The following LILRA1 variants were observed in gnomAD, a reference collection of about 807,000 sequenced individuals.
LILRA1 encodes the protein leukocyte immunoglobulin-like receptor subfamily A member 1.
Under a neutral mutation model 51.6 loss-of-function variants are expected in LILRA1, and 51 were observed. The observed-to-expected ratio is 0.99, with a 90% CI of 0.79 to 1.25. LILRA1 has a LOEUF of 1.25. LILRA1 is among the 50% of genes most tolerant of loss of function. The pLI is 0.00. For synonymous variants in LILRA1, 305 were observed against 248.4 expected, an observed-to-expected ratio of 1.23 and a Z score of -2.14; for missense variants, 660 against 611.7, an observed-to-expected ratio of 1.08 and a Z score of -0.83.
chr19:54,596,768 G>T (rs1398900815), intron 7 of LILRA1, among the ~76,000 whole-genome samples: 1 of 152,282 alleles, frequency 6.6e-6, no homozygotes, highest in South Asian at 2.1e-4. Flanking sequence ...TCGGGAGGCT[G>T]AGGCAGGAGA....
chr19:54,595,883 C>G lies in LILRA1; in HGVS notation c.906C>G (p.Asn302Lys). ...GGQYRCSGAY[N>K]LSSEWSAPSD... ...AGTACAGATGCTCCGGTGCATACAA[C>G]CTCTCCTCCGAGTGGTCGGCCCCCA... The change falls in exon 6 of 10, where the codon AAC becomes AAG. Residue 302 changes from asparagine to lysine, a missense_variant. By Grantham distance (94) the Asn-to-Lys change is moderately conservative. Transcript: ENST00000251372. 2 of 1,613,970 alleles carry G rather than the reference C, an allele frequency of 1.2e-6. No homozygotes were observed. The highest frequency in any genetic ancestry group is 3.4e-4 in the Middle Eastern group (2 of 5,938).
Position 54,600,679 on chromosome 19 carries a change from T to A in LILRA1, c.1352-20T>A. On this transcript the variant is annotated intron_variant, in intron 9 of 9. Transcript: ENST00000251372. Reference sequence around the variant, plus strand: ...TTGATCTGCCCTGACCTCTGTGACCTCTTTGCCCACCATCCCCAGCCTCAC... The same window carrying A: ...TTGATCTGCCCTGACCTCTGTGACCACTTTGCCCACCATCCCCAGCCTCAC... 6.2e-7 allele frequency: 1 copy of A among 1,613,818 alleles called. No homozygotes were observed. The highest frequency in any genetic ancestry group is 8.5e-7 in the Non-Finnish European group (1 of 1,179,788).
At chr19:54,598,550 T>G (rs2063106583) in intron 7 of LILRA1, among the ~76,000 whole-genome samples, 1 of 152,176 alleles carries the variant, frequency 6.6e-6, no homozygotes, top group Non-Finnish European at 1.5e-5. Context: ...GTCCAATCAC[T>G]GGATAATTCT....
chr19:54,598,871 C>A (rs186252428), intron 7 of LILRA1, among the ~76,000 whole-genome samples: 2 of 152,154 alleles, frequency 1.3e-5, no homozygotes, highest in Non-Finnish European at 2.9e-5. Context: ...TCTTGGCTCA[C>A]TGCAACCTCC....
In LILRA1 at chr19:54,596,337, C is replaced by T. The variant is rs745831502; in HGVS notation, c.1107C>T (p.Leu369=). 34 of 1,606,914 alleles carry T rather than the reference C, an allele frequency of 2.1e-5. No individual in the cohort carries two copies. The East Asian group carries it at 7.6e-4, about 36-fold the overall frequency. The change falls in exon 7 of 10, where the codon CTC becomes CTT. Residue 369 remains leucine, a synonymous_variant. Coordinates refer to ENST00000251372, the MANE Select transcript of LILRA1 (RefSeq NM_006863.4). ...KAGAADAPLR[L]RSIHEYPKYQ... ...GAGCAGCTGATGCCCCCCTCCGTCT[C>T]AGATCAATACACGAATATCCTAAGT...
chr19:54,600,533 C>A lies in LILRA1; in HGVS notation c.1334C>A (p.Pro445Gln). The part of the protein sequence containing the change: ...SKAGAANTLS[P>Q]SQNKTASHPQ... ...TCAGGAGCAGCTAACACCCTCAGCC[C>A]ATCACAAAACAAGACTGGTGAGTGA... Residue 445 changes from proline (P) to glutamine (Q), a missense_variant, in exon 9 of 10, where the codon CCA becomes CAA. By Grantham distance (76) the Pro-to-Gln change is moderately conservative. Coordinates refer to ENST00000251372, the MANE Select transcript of LILRA1 (RefSeq NM_006863.4). The A allele has an allele frequency of 6.2e-7, 1 of 1,614,108 alleles. No individual in the cohort carries two copies. The highest frequency in any genetic ancestry group is 1.1e-5 in the South Asian group (1 of 91,082).
At chr19:54,599,158 G>A in intron 7 of LILRA1, 78 bp from the exon 8 acceptor site, 5 of 1,399,924 alleles carry the variant, frequency 3.6e-6, no homozygotes, top group Non-Finnish European at 4.8e-6. Flanking sequence ...GGTTATATAA[G>A]TTATACATAA....
Position 54,600,543 on chromosome 19 carries a change from C to T in LILRA1, c.1344C>T (p.Asn448=). The stretch of plus-strand genomic sequence containing the variant: ...CTAACACCCTCAGCCCATCACAAAA[C>T]AAGACTGGTGAGTGAGGAGATGCTC... ...GAANTLSPSQ[N]KTASHPQDYT... The change falls in exon 9 of 10, where the codon AAC becomes AAT. Residue 448 remains asparagine, a synonymous_variant. Transcript: ENST00000251372. The T allele has an allele frequency of 6.2e-7, 1 of 1,614,108 alleles. No homozygotes were observed. Among genetic ancestry groups the T allele is most frequent in the South Asian group, 1.1e-5 (1 of 91,084 alleles).
intron 8 of LILRA1, 139 bp from the exon 9 acceptor site, chr19:54,600,373 T>C (rs1329156196): frequency 2.6e-6 from 2 of 776,332 alleles, no homozygotes; most frequent in Admixed American, 2.3e-5. Context: ...ATAAGGACAC[T>C]GGAGGGAACC....
chr19:54,600,896 G>A lies in LILRA1; in HGVS notation c.*79G>A. On this transcript the variant is annotated 3_prime_UTR_variant, in exon 10 of 10. Coordinates refer to ENST00000251372, the MANE Select transcript of LILRA1 (RefSeq NM_006863.4). ...GAGCCTTGGGAACAGATCTGATGATGCCAGGAGGTTCCGGGAGACAATTTA... is the reference window on the plus strand; with the variant it reads ...GAGCCTTGGGAACAGATCTGATGATACCAGGAGGTTCCGGGAGACAATTTA... 1.3e-6 allele frequency: 2 copies of A among 1,527,756 alleles called. No individual in the cohort carries two copies. Among genetic ancestry groups the A allele is most frequent in the Non-Finnish European group, 9.1e-7 (1 of 1,101,592 alleles). The allele number at this position is 1,527,756 out of a possible 1,614,324, so 94.6% of individuals were successfully genotyped here.
intron 5 of LILRA1, 22 bp downstream of exon 5, chr19:54,595,424 C>A (rs763089408): frequency 6.3e-7 from 1 of 1,590,124 alleles, no homozygotes; most frequent in East Asian, 2.2e-5. Flanking sequence ...ACAGCATTGC[C>A]TGGAGTTCCC....
chr19:54,595,000 G>A (rs1224829992), intron 4 of LILRA1, 48 bp downstream of exon 4: 2 of 1,608,680 alleles, frequency 1.2e-6, no homozygotes, highest in Non-Finnish European at 1.7e-6. Context: ...CCCTCAGGAA[G>A]GGAGTCAGTT....
chr19:54,600,815 T>C lies in LILRA1; in HGVS notation c.1468T>C (p.Ter490ArgextTer6). 1.2e-6 allele frequency: 2 copies of C among 1,614,040 alleles called. No homozygotes were observed. The highest frequency in any genetic ancestry group is 8.5e-7 in the Non-Finnish European group (1 of 1,179,940). Residue 490 changes from the stop codon to arginine, a stop_lost, in exon 10 of 10, where the codon TGA (stop) becomes CGA (arginine). Coordinates refer to ENST00000251372, the MANE Select transcript of LILRA1 (RefSeq NM_006863.4). The stretch of plus-strand genomic sequence containing the variant: ...GGCTCAGCACAGCCAGAGAAGCCTC[T>C]GAGATGCAGCCGGGAGGTGAACAGC... ...FEAQHSQRSL[*>R]
intron 7 of LILRA1, among the ~76,000 whole-genome samples, chr19:54,598,920 C>G (rs911366044): frequency 6.6e-6 from 1 of 152,070 alleles, no homozygotes; most frequent in Non-Finnish European, 1.5e-5. Flanking sequence ...CTCAGCCTCC[C>G]GAGTAGCTGG....
At chr19:54,599,566 A>C in intron 8 of LILRA1, 6 of 1,129,198 alleles carry the variant, frequency 5.3e-6, no homozygotes, top group Non-Finnish European at 6.6e-6. Flanking sequence ...TTTTCAATGG[A>C]TCTCCTCTAA....
chr19:54,600,666 G>T (rs1339259409), intron 9 of LILRA1, 33 bp from the exon 10 acceptor site: 9 of 1,613,430 alleles, frequency 5.6e-6, no homozygotes, highest in Admixed American at 3.3e-5. Context: ...GATCTGCCCT[G>T]ACCTCTGTGA....
At position 54,601,628 on chromosome 19, in the gene LILRA1, A is replaced by T. The variant is rs1313443102; in HGVS notation, c.*811A>T. 1 of 151,968 alleles carries T rather than the reference A, an allele frequency of 6.6e-6. No homozygotes were observed. The highest frequency in any genetic ancestry group is 6.5e-5 in the Admixed American group (1 of 15,284). 9.4% of individuals were successfully genotyped at this position (151,968 alleles called of 1,614,324 possible). ...AGGCAGAACCAAAGTACACCACGTC[A>T]AAAGCAATGATAGGCATTTGCAGTG... On this transcript the variant is annotated 3_prime_UTR_variant, in exon 10 of 10. Coordinates refer to ENST00000251372, the MANE Select transcript of LILRA1 (RefSeq NM_006863.4).
In LILRA1 at chr19:54,600,767, G is replaced by T. The variant is rs2063149642; in HGVS notation, c.1420G>T (p.Val474Phe). 6.2e-7 allele frequency: 1 copy of T among 1,614,124 alleles called. No individual in the cohort carries two copies. Among genetic ancestry groups the T allele is most frequent in the Middle Eastern group, 1.6e-4 (1 of 6,062 alleles). Residue 474 changes from valine (V) to phenylalanine (F), a missense_variant, in exon 10 of 10, where the codon GTC becomes TTC. Coordinates refer to ENST00000251372, the MANE Select transcript of LILRA1 (RefSeq NM_006863.4). ...GGGCATAGCTGGCTTGGTCCTGGTG[G>T]TCCTCGGGATTCTGCTATTTGAGGC... is the stretch of plus-strand genomic sequence containing the variant. ...RMGIAGLVLVVLGILLFEAQH... is the reference protein window; with the variant it reads ...RMGIAGLVLVFLGILLFEAQH...
rs374950261 is a variant in LILRA1 at position 54,594,971 on chromosome 19, C to T, written c.358+19C>T. On this transcript the variant is annotated intron_variant, in intron 4 of 9. Coordinates refer to ENST00000251372, the MANE Select transcript of LILRA1 (RefSeq NM_006863.4). ...GTGACAGGTGAGCTGACACTGAGGG[C>T]TCCCAGCCCCAGGCTCTGCCCTCAG... 2 of 1,596,280 alleles carry T rather than the reference C, an allele frequency of 1.3e-6. No homozygotes were observed. Among genetic ancestry groups the T allele is most frequent in the African/African-American group, 1.4e-5 (1 of 73,894 alleles).
Sources: gnomAD v4.1 joint callset for allele counts (sites outside exome capture counted in the v4.1 genomes callset) on GRCh38, gnomAD v4.1.1 for gene constraint, MANE v1.5 for transcripts, NCBI Gene and HGNC (gene_info 2026-07-23, HGNC 2026-07-21) for gene names.